CRTC3: variants seen among roughly 807,000 people sequenced by gnomAD.
The protein encoded by CRTC3 is CREB-regulated transcription coactivator 3.
In CRTC3, 26 loss-of-function variants were observed where a neutral mutation model predicts 74.5. The observed-to-expected ratio is 0.35, with a 90% confidence interval of 0.26 to 0.48. CRTC3 has a LOEUF of 0.48. Ranked by LOEUF, CRTC3 falls within the 20% of genes least tolerant of loss-of-function variation. The pLI is 0.99. For missense variants in CRTC3, 760 were observed against 787.3 expected (o/e 0.97, Z 0.41); for synonymous variants, 377 against 325.8 (o/e 1.16, Z -1.69).
chr15:90,568,869 T>G (rs909723939), intron 2 of CRTC3, among the ~76,000 whole-genome samples: 1 of 152,224 alleles, frequency 6.6e-6, no homozygotes, highest in East Asian at 1.9e-4. Context: ...CACTGAAGGC[T>G]CAAATGATCC....
At chr15:90,564,583 T>C (rs1473576172) in intron 2 of CRTC3, among the ~76,000 whole-genome samples, 1 of 152,188 alleles carries the variant, frequency 6.6e-6, no homozygotes, top group Non-Finnish European at 1.5e-5. Flanking sequence ...TTACTACTGA[T>C]GTTCTTTTCT....
chr15:90,618,206 T>TAAA (rs11372294), intron 8 of CRTC3: 5,821 of 161,530 alleles, frequency 0.036, 198 homozygotes, highest in African/African-American at 0.086. Context: ...TTGACTTATT[T>TAAA]AAAAAAAAAA....
At chr15:90,542,319 T>C (rs913089869) in intron 2 of CRTC3, among the ~76,000 whole-genome samples, 1 of 151,938 alleles carries the variant, frequency 6.6e-6, no homozygotes, top group African/African-American at 2.4e-5. Flanking sequence ...GCTGGGATCA[T>C]AGGCGTGCGT....
intron 2 of CRTC3, among the ~76,000 whole-genome samples, chr15:90,589,434 C>T (rs1967747227): frequency 6.6e-6 from 1 of 152,154 alleles, no homozygotes; most frequent in African/African-American, 2.4e-5. Context: ...TCACTGTAGC[C>T]TGACATTCCT....
Position 90,617,895 on chromosome 15 carries a change from C to G in CRTC3, c.626C>G (p.Pro209Arg), listed in dbSNP as rs750211393. 2.4e-5 allele frequency: 39 copies of G among 1,611,292 alleles called. No homozygotes were observed. The highest frequency in any genetic ancestry group is 3.3e-5 in the Non-Finnish European group (39 of 1,177,576). ...NNGHGEVASFPGPLKEENLLN... is the reference protein window; with the variant it reads ...NNGHGEVASFRGPLKEENLLN... ...TTTTTCCCTTTAGTAGCATCTTTCC[C>G]TGGCCCATTGAAAGAAGAGAATCTG... Residue 209 changes from proline to arginine, a missense_variant, in exon 8 of 15, where the codon CCT (proline) becomes CGT (arginine). Transcript: ENST00000268184.
At chr15:90,577,001 C>T (rs1346189160) in intron 2 of CRTC3, among the ~76,000 whole-genome samples, 6 of 150,532 alleles carry the variant, frequency 4.0e-5, no homozygotes, top group African/African-American at 7.4e-5. Context: ...CCCAGCTTTA[C>T]GTGGGAGAGG....
intron 2 of CRTC3, among the ~76,000 whole-genome samples, chr15:90,551,930 G>GCACACA (rs1274060327): frequency 1.1e-5 from 1 of 93,794 alleles, no homozygotes; most frequent in African/African-American, 5.0e-5. Flanking sequence ...TTACACACAC[G>GCACACA]CACACACACA....
intron 2 of CRTC3, among the ~76,000 whole-genome samples, chr15:90,555,699 AT>A (rs1378837759): frequency 6.6e-6 from 1 of 151,792 alleles, no homozygotes; most frequent in Non-Finnish European, 1.5e-5. Context: ...TGTATTTTTA[AT>A]AGAGACGGGG....
At chr15:90,598,402 C>G (rs957117536) in intron 3 of CRTC3, 6 of 702,750 alleles carry the variant, frequency 8.5e-6, no homozygotes, top group Non-Finnish European at 1.6e-5. Flanking sequence ...AGAGCTGCTC[C>G]CCTTCCTTTG....
chr15:90,589,873 G>A (rs574952816), intron 2 of CRTC3, among the ~76,000 whole-genome samples: 1 of 151,942 alleles, frequency 6.6e-6, no homozygotes, highest in African/African-American at 2.4e-5. Flanking sequence ...TGTAATCCCA[G>A]CTACTCAGGA....
chr15:90,574,228 C>T (rs547376084), intron 2 of CRTC3, among the ~76,000 whole-genome samples: 1 of 152,050 alleles, frequency 6.6e-6, no homozygotes, highest in African/African-American at 2.4e-5. Flanking sequence ...CCTGTAATCC[C>T]AGCACTTTGG....
intron 4 of CRTC3, among the ~76,000 whole-genome samples, chr15:90,602,601 C>A (rs1459718869): frequency 6.6e-6 from 1 of 152,084 alleles, no homozygotes; most frequent in Non-Finnish European, 1.5e-5. Context: ...TACTGCACTC[C>A]AGCCTGGGCA....
chr15:90,620,093 C>T (rs1335899566), intron 9 of CRTC3: 1 of 323,476 alleles, frequency 3.1e-6, no homozygotes, highest in Non-Finnish European at 5.7e-6. Context: ...CAGAAACGTG[C>T]AGGAATCGAG....
chr15:90,589,798 C>G (rs1287876929), intron 2 of CRTC3, among the ~76,000 whole-genome samples: 5 of 152,092 alleles, frequency 3.3e-5, no homozygotes, highest in African/African-American at 1.2e-4. Flanking sequence ...ACCAGTGTGG[C>G]CAACATGGTG....
chr15:90,613,144 C>A (rs905696744), intron 6 of CRTC3, among the ~76,000 whole-genome samples: 7 of 149,316 alleles, frequency 4.7e-5, no homozygotes, highest in African/African-American at 1.5e-4. Context: ...GGTCACGCCA[C>A]CGCACTCCAG....
chr15:90,634,800 G>A (rs1185493438), intron 11 of CRTC3: 5 of 1,401,640 alleles, frequency 3.6e-6, no homozygotes, highest in Non-Finnish European at 5.0e-6. Context: ...TGCTAAAACT[G>A]TAACCAAAGG....
At chr15:90,632,629 G>T (rs977217626) in intron 11 of CRTC3, among the ~76,000 whole-genome samples, 1 of 152,128 alleles carries the variant, frequency 6.6e-6, no homozygotes, top group Non-Finnish European at 1.5e-5. Context: ...TTTTGAGACA[G>T]AGTCTTGCTC....
chr15:90,607,164 A>G (rs551914202), intron 5 of CRTC3, among the ~76,000 whole-genome samples: 1 of 152,342 alleles, frequency 6.6e-6, no homozygotes, highest in South Asian at 2.1e-4. Context: ...ATAAGGCTAT[A>G]TGAGTCTAAG....
chr15:90,553,399 C>T lies in CRTC3; in HGVS notation c.231+13262C>T, dbSNP rs530614773. The stretch of plus-strand genomic sequence containing the variant: ...ATAGTTTTGGAATGTGCATCTGTCC[C>T]GAAATAGGAGCTGTGACCAAGAATA... On this transcript the variant is annotated intron_variant, in intron 2 of 14. Transcript: ENST00000268184. Among the ~76,000 whole-genome samples the T allele has an allele frequency of 3.3e-5, 5 of 152,216 alleles. No homozygotes were observed. In the South Asian group the frequency reaches 8.3e-4, roughly 25 times the overall value.
Sources: allele counts gnomAD v4.1 joint callset (sites outside exome capture counted in the v4.1 genomes callset), GRCh38; gene constraint gnomAD v4.1.1; transcripts MANE v1.5; gene names NCBI Gene and HGNC (gene_info 2026-07-23, HGNC 2026-07-21).